TCF12: variants seen among roughly 807,000 people sequenced by gnomAD.
TCF12 encodes the protein transcription factor 12.
In TCF12, 45 loss-of-function variants were observed where a neutral mutation model predicts 86.0. The observed-to-expected ratio is 0.52, with a 90% CI of 0.41 to 0.67. The LOEUF (loss-of-function observed/expected upper bound fraction) is 0.67, where lower values mean the gene tolerates loss of function less well. Ranked by LOEUF, TCF12 falls within the 30% of genes least tolerant of loss-of-function variation. The pLI is 0.00. For missense variants in TCF12, 881 were observed against 859.9 expected (o/e 1.02, Z -0.31); for synonymous variants, 330 against 299.6 (o/e 1.10, Z -1.05).
At chr15:57,246,614 C>T (rs563910713) in intron 13 of TCF12, among the ~76,000 whole-genome samples, 1 of 151,666 alleles carries the variant, frequency 6.6e-6, no homozygotes, top group Non-Finnish European at 1.5e-5. Context: ...TTTTTTATTC[C>T]CAGTACCACT....
At chr15:56,973,699 T>G (rs2062456579) in intron 3 of TCF12, among the ~76,000 whole-genome samples, 1 of 152,118 alleles carries the variant, frequency 6.6e-6, no homozygotes, top group Non-Finnish European at 1.5e-5. Context: ...CTTACATAGA[T>G]AGATTGAAGA....
intron 3 of TCF12, among the ~76,000 whole-genome samples, chr15:56,941,685 C>CTTTTTTT (rs111353408): frequency 7.0e-6 from 1 of 143,358 alleles, no homozygotes; most frequent in African/African-American, 2.6e-5. Context: ...TCTTCTTCTT[C>CTTTTTTT]TTTTTTTTTT....
At chr15:57,032,128 G>A (rs184426181) in intron 3 of TCF12, among the ~76,000 whole-genome samples, 12 of 152,252 alleles carry the variant, frequency 7.9e-5, no homozygotes, top group East Asian at 3.9e-4. Flanking sequence ...AAGAGACCTC[G>A]TGAAGTCGTA....
intron 3 of TCF12, among the ~76,000 whole-genome samples, chr15:56,962,049 C>T (rs910824493): frequency 7.5e-5 from 11 of 146,724 alleles, no homozygotes; most frequent in African/African-American, 2.8e-4. Context: ...AGGAGAATGG[C>T]GTGAACCCGG....
intron 12 of TCF12, among the ~76,000 whole-genome samples, chr15:57,235,072 A>G (rs1330676411): frequency 2.0e-5 from 3 of 152,220 alleles, no homozygotes; most frequent in African/African-American, 7.2e-5. Context: ...ACAGCTGAAT[A>G]CCAGCTTCTT....
At chr15:57,228,390 G>A (rs1291490141) in intron 8 of TCF12, among the ~76,000 whole-genome samples, 2 of 151,826 alleles carry the variant, frequency 1.3e-5, no homozygotes, top group East Asian at 3.9e-4. Flanking sequence ...TTTTGAACTC[G>A]TGTTAATACA....
At chr15:57,031,311 T>C (rs1342353224) in intron 3 of TCF12, among the ~76,000 whole-genome samples, 1 of 152,174 alleles carries the variant, frequency 6.6e-6, no homozygotes, top group African/African-American at 2.4e-5. Flanking sequence ...GGTTGAAGTG[T>C]TTATCAGTGA....
At chr15:56,955,715 G>C (rs2061481827) in intron 3 of TCF12, among the ~76,000 whole-genome samples, 1 of 152,138 alleles carries the variant, frequency 6.6e-6, no homozygotes. Context: ...TCTTCTGCAA[G>C]GTTTTGTGGA....
chr15:57,283,346 G>A (rs1177484069), intron 20 of TCF12, among the ~76,000 whole-genome samples: 1 of 151,558 alleles, frequency 6.6e-6, no homozygotes, highest in Non-Finnish European at 1.5e-5. Context: ...TGCAGTCTCT[G>A]CTTCCCAGGT....
At chr15:57,196,482 C>T (rs2057270945) in intron 7 of TCF12, among the ~76,000 whole-genome samples, 1 of 152,164 alleles carries the variant, frequency 6.6e-6, no homozygotes, top group Non-Finnish European at 1.5e-5. Flanking sequence ...ATTTTTACAG[C>T]TTTCAAAAGT....
chr15:57,091,394 T>C (rs1262956337), intron 4 of TCF12, among the ~76,000 whole-genome samples: 2 of 152,208 alleles, frequency 1.3e-5, no homozygotes, highest in East Asian at 3.8e-4. Flanking sequence ...CTGAGAAATA[T>C]ATTTTCTTAA....
intron 3 of TCF12, among the ~76,000 whole-genome samples, chr15:57,015,855 C>T (rs1443109165): frequency 6.6e-6 from 1 of 152,162 alleles, no homozygotes; most frequent in Non-Finnish European, 1.5e-5. Flanking sequence ...CACTTCTTTC[C>T]AGGGCGATCT....
rs1567558396 is a variant in TCF12 at position 57,170,692 on chromosome 15, A to AT, written c.390+4227dup. 1.2e-4 allele frequency among the ~76,000 whole-genome samples: 4 copies of AT among 34,370 alleles called. No homozygotes were observed. The African/African-American group carries it at 1.6e-3, about 14-fold the overall frequency. The allele number at this position is 34,370 out of a possible 152,430, so 22.5% of individuals were successfully genotyped here. On this transcript the variant is annotated intron_variant, in intron 6 of 20. Transcript: ENST00000333725. ...ATATATATAATATATTATATATAATATATATTATATATAATATATAATATA... is the reference window on the plus strand; with the variant it reads ...ATATATATAATATATTATATATAATATTATATTATATATAATATATAATATA...
chr15:56,998,205 C>T (rs1290768335), intron 3 of TCF12, among the ~76,000 whole-genome samples: 1 of 152,024 alleles, frequency 6.6e-6, no homozygotes, highest in East Asian at 1.9e-4. Context: ...GCCTGTAATC[C>T]CAGCACTTTG....
At chr15:57,279,360 C>T (rs1030264356) in intron 19 of TCF12, among the ~76,000 whole-genome samples, 19 of 152,114 alleles carry the variant, frequency 1.2e-4, no homozygotes, top group African/African-American at 4.6e-4. Flanking sequence ...AGAGTCAAGT[C>T]CTCAACTACA....
At chr15:57,103,296 T>G (rs2049888025) in intron 5 of TCF12, among the ~76,000 whole-genome samples, 1 of 152,228 alleles carries the variant, frequency 6.6e-6, no homozygotes, top group Non-Finnish European at 1.5e-5. Flanking sequence ...ATTTTAAAAT[T>G]CCATGTACAG....
chr15:57,146,282 A>C (rs1380350944), intron 5 of TCF12, among the ~76,000 whole-genome samples: 1 of 152,186 alleles, frequency 6.6e-6, no homozygotes, highest in African/African-American at 2.4e-5. Context: ...GATAGTAGCA[A>C]GGTTTTTCTT....
intron 3 of TCF12, among the ~76,000 whole-genome samples, chr15:57,035,037 G>T (rs1479688700): frequency 6.6e-6 from 1 of 151,996 alleles, no homozygotes; most frequent in African/African-American, 2.4e-5. Context: ...GCATATATTA[G>T]AAACTAATGT....
At chr15:57,108,388 C>T (rs2050271187) in intron 5 of TCF12, among the ~76,000 whole-genome samples, 1 of 152,132 alleles carries the variant, frequency 6.6e-6, no homozygotes, top group South Asian at 2.1e-4. Context: ...CTGGGTCTGT[C>T]CTCAAGTTTA....
Sources: allele counts gnomAD v4.1 joint callset (sites outside exome capture counted in the v4.1 genomes callset), GRCh38; gene constraint gnomAD v4.1.1; transcripts MANE v1.5; gene names NCBI Gene and HGNC (gene_info 2026-07-23, HGNC 2026-07-21).